SCAMP1: variants seen among roughly 807,000 people sequenced by gnomAD.
The protein encoded by SCAMP1 is secretory carrier membrane protein 1.
Under a neutral mutation model 41.8 loss-of-function variants are expected in SCAMP1, and 15 were observed. The observed-to-expected ratio is 0.36, with a 90% CI of 0.24 to 0.55. The LOEUF is 0.55. Among genes scored for constraint, SCAMP1 ranks in the 20% least tolerant of loss-of-function variants. The pLI is 0.86. For missense variants in SCAMP1, 341 were observed against 412.6 expected, an observed-to-expected ratio of 0.83 and a Z score of 1.50; for synonymous variants, 135 against 136.8, an observed-to-expected ratio of 0.99 and a Z score of 0.09.
intron 2 of SCAMP1, among the ~76,000 whole-genome samples, chr5:78,395,379 C>T (rs1456426469): frequency 6.6e-6 from 1 of 152,166 alleles, no homozygotes; most frequent in Non-Finnish European, 1.5e-5. Context: ...GATCATAAGG[C>T]TTGGCTTCTC....
chr5:78,461,372 C>T (rs565393904), intron 8 of SCAMP1, among the ~76,000 whole-genome samples: 123 of 152,188 alleles, frequency 8.1e-4, no homozygotes, highest in Non-Finnish European at 1.2e-3. Flanking sequence ...AAGTAGGGGT[C>T]AATTTTATTC....
chr5:78,409,901 C>CA (rs1752028264), intron 2 of SCAMP1, among the ~76,000 whole-genome samples: 1 of 152,068 alleles, frequency 6.6e-6, no homozygotes, highest in South Asian at 2.1e-4. Flanking sequence ...ATGCTGCTGC[C>CA]AGGCTAACTT....
At chr5:78,440,984 C>T (rs868043243) in intron 6 of SCAMP1, among the ~76,000 whole-genome samples, 13 of 152,320 alleles carry the variant, frequency 8.5e-5, no homozygotes, top group Middle Eastern at 6.8e-3. Context: ...GAGCAAGGCT[C>T]TGTGGGCGTG....
intron 8 of SCAMP1, among the ~76,000 whole-genome samples, chr5:78,474,571 C>A (rs1030807802): frequency 6.6e-6 from 1 of 152,114 alleles, no homozygotes; most frequent in Non-Finnish European, 1.5e-5. Context: ...CTCACAGTTA[C>A]CAGTTCCTAT....
intron 8 of SCAMP1, among the ~76,000 whole-genome samples, chr5:78,472,468 G>T (rs1490986316): frequency 6.6e-6 from 1 of 151,728 alleles, no homozygotes; most frequent in African/African-American, 2.4e-5. Context: ...GATATCAGCA[G>T]TATGAATTAT....
At chr5:78,380,950 C>A (rs891738153) in intron 1 of SCAMP1, among the ~76,000 whole-genome samples, 4 of 152,128 alleles carry the variant, frequency 2.6e-5, no homozygotes, top group African/African-American at 9.7e-5. Context: ...CTTGTAATCC[C>A]AGCTACTTGG....
intron 1 of SCAMP1, among the ~76,000 whole-genome samples, chr5:78,369,871 A>T (rs1032576976): frequency 2.6e-5 from 4 of 152,220 alleles, no homozygotes; most frequent in Non-Finnish European, 4.4e-5. Context: ...ATTTGTGATC[A>T]TGTCCTCTAG....
chr5:78,415,908 G>A (rs1752198325), intron 3 of SCAMP1, among the ~76,000 whole-genome samples: 1 of 152,068 alleles, frequency 6.6e-6, no homozygotes, highest in African/African-American at 2.4e-5. Context: ...TACCATTAAG[G>A]TAAAAATGAT....
intron 1 of SCAMP1, among the ~76,000 whole-genome samples, chr5:78,373,005 G>T (rs1249748666): frequency 6.6e-6 from 1 of 151,980 alleles, no homozygotes; most frequent in Non-Finnish European, 1.5e-5. Context: ...ACTAAATACT[G>T]AAGTTAGAAA....
At chr5:78,401,397 G>A (rs979682257) in intron 2 of SCAMP1, among the ~76,000 whole-genome samples, 5 of 152,088 alleles carry the variant, frequency 3.3e-5, no homozygotes, top group Non-Finnish European at 7.4e-5. Context: ...GAGACTGTAT[G>A]GAATTAGTAA....
chr5:78,459,227 CTTT>C lies in SCAMP1; in HGVS notation c.735-15_735-13del, dbSNP rs1302454843. The C allele has an allele frequency of 2.5e-6, 3 of 1,201,296 alleles. No homozygotes were observed. Among genetic ancestry groups the C allele is most frequent in the Non-Finnish European group, 3.7e-6 (3 of 811,806 alleles). The allele number at this position is 1,201,296 out of a possible 1,614,324, so 74.4% of individuals were successfully genotyped here. On this transcript the variant is annotated splice_polypyrimidine_tract_variant and intron_variant, in intron 7 of 8. Coordinates refer to ENST00000621999, the MANE Select transcript of SCAMP1 (RefSeq NM_004866.6). ...TTACATCAACTTTTGCCTAATTACA[CTTT>C]TTATTACTTTTTAGTGGTTGGATTT...
chr5:78,418,981 AG>A (rs1442048860), intron 5 of SCAMP1, 78 bp downstream of exon 5: 6 of 1,213,234 alleles, frequency 4.9e-6, no homozygotes, highest in Non-Finnish European at 6.9e-6. Context: ...TTTCAAGGAT[AG>A]TATAGCAAAC....
At chr5:78,403,605 A>G (rs542866662) in intron 2 of SCAMP1, among the ~76,000 whole-genome samples, 1 of 152,172 alleles carries the variant, frequency 6.6e-6, no homozygotes, top group East Asian at 1.9e-4. Context: ...AGCCTAGGCA[A>G]TGTAGTGAGA....
chr5:78,435,900 T>C (rs1489605173), intron 6 of SCAMP1, among the ~76,000 whole-genome samples: 2 of 152,236 alleles, frequency 1.3e-5, no homozygotes, highest in Non-Finnish European at 2.9e-5. Context: ...GTTTCCTGAC[T>C]TTTGAATGAT....
chr5:78,377,337 CTCTT>C (rs1254040914), intron 1 of SCAMP1, among the ~76,000 whole-genome samples: 1 of 152,186 alleles, frequency 6.6e-6, no homozygotes, highest in Non-Finnish European at 1.5e-5. Context: ...CTGTTTGTCA[CTCTT>C]TCTACCATGG....
Position 78,430,222 on chromosome 5 carries a change from T to TTATTTATAAATACAG in SCAMP1, c.632+8270_632+8284dup, listed in dbSNP as rs1561272955. Among the ~76,000 whole-genome samples, 4 of 107,924 alleles carry TTATTTATAAATACAG rather than the reference T, an allele frequency of 3.7e-5. 1 individual carries two copies. Among genetic ancestry groups the TTATTTATAAATACAG allele is most frequent in the African/African-American group, 2.2e-4 (4 of 18,512 alleles). The allele number at this position is 107,924 out of a possible 152,430, so 70.8% of individuals were successfully genotyped here. On this transcript the variant is annotated intron_variant, in intron 6 of 8. Transcript: ENST00000621999. Reference sequence around the variant, plus strand: ...CAGTATTTATTTATAAATACAGTATTTATTTATAAATACAGTATTTATTTA... The same window carrying TTATTTATAAATACAG: ...CAGTATTTATTTATAAATACAGTATTTATTTATAAATACAGTATTTATAAATACAGTATTTATTTA...
intron 1 of SCAMP1, among the ~76,000 whole-genome samples, chr5:78,376,248 G>T (rs59951439): frequency 0.24 from 37,065 of 152,044 alleles, 4,932 homozygotes; most frequent in East Asian, 0.54. Context: ...GGGTTCCCCC[G>T]ATATATAAAA....
At chr5:78,440,588 A>T (rs1277944340) in intron 6 of SCAMP1, among the ~76,000 whole-genome samples, 1 of 152,098 alleles carries the variant, frequency 6.6e-6, no homozygotes, top group Non-Finnish European at 1.5e-5. Flanking sequence ...TCAGAGGTGC[A>T]CCTGGCCGTA....
chr5:78,467,613 G>A (rs1479141144), intron 8 of SCAMP1, among the ~76,000 whole-genome samples: 2 of 152,156 alleles, frequency 1.3e-5, no homozygotes, highest in Admixed American at 6.5e-5. Context: ...CATAGTTAAA[G>A]AAGTTACCAG....
Sources: gnomAD v4.1 joint callset for allele counts (sites outside exome capture counted in the v4.1 genomes callset) on GRCh38, gnomAD v4.1.1 for gene constraint, MANE v1.5 for transcripts, NCBI Gene and HGNC (gene_info 2026-07-23, HGNC 2026-07-21) for gene names.